The following RGS7 variants were observed in gnomAD, a reference collection of about 807,000 sequenced individuals.
RGS7 encodes the protein regulator of G-protein signaling 7.
In RGS7, 27 loss-of-function variants were observed where a neutral mutation model predicts 81.1. The observed-to-expected ratio is 0.33, with a 90% confidence interval of 0.25 to 0.46. RGS7 has a LOEUF of 0.46. Ranked by LOEUF, RGS7 falls within the 20% of genes least tolerant of loss-of-function variation. RGS7 has a pLI of 1.00. For missense variants in RGS7, 396 were observed against 607.4 expected (o/e 0.65, Z 3.66); for synonymous variants, 208 against 207.7 (o/e 1.00, Z -0.01).
chr1:241,175,137 C>G (rs191087943), intron 2 of RGS7, among the ~76,000 whole-genome samples: 6 of 151,996 alleles, frequency 3.9e-5, no homozygotes, highest in Non-Finnish European at 4.4e-5. Flanking sequence ...TGCCTGACCT[C>G]GTGATCCACT....
chr1:240,965,213 G>C (rs534697090), intron 4 of RGS7, among the ~76,000 whole-genome samples: 1 of 152,238 alleles, frequency 6.6e-6, no homozygotes, highest in African/African-American at 2.4e-5. Context: ...GGCCTCTACT[G>C]TCCTCATTAA....
intron 2 of RGS7, among the ~76,000 whole-genome samples, chr1:241,325,266 G>A (rs1319074147): frequency 1.3e-5 from 2 of 152,114 alleles, no homozygotes; most frequent in African/African-American, 2.4e-5. Flanking sequence ...GATATAAGGG[G>A]GAGGCACTGA....
intron 2 of RGS7, among the ~76,000 whole-genome samples, chr1:241,108,935 A>G (rs1463386474): frequency 6.6e-6 from 1 of 152,048 alleles, no homozygotes; most frequent in Non-Finnish European, 1.5e-5. Flanking sequence ...TTTGCTATCA[A>G]CTTAGTTCAC....
intron 2 of RGS7, among the ~76,000 whole-genome samples, chr1:241,099,522 TCTCATTA>T (rs2064559317): frequency 2.0e-5 from 3 of 152,218 alleles, no homozygotes; most frequent in African/African-American, 7.2e-5. Context: ...TTTGTTTCAA[TCTCATTA>T]GTACACTCTC....
intron 3 of RGS7, among the ~76,000 whole-genome samples, chr1:240,991,613 G>T (rs572713518): frequency 1.3e-5 from 2 of 152,170 alleles, no homozygotes; most frequent in African/African-American, 2.4e-5. Flanking sequence ...GACTAAGTCC[G>T]CAGTGTTTCC....
intron 2 of RGS7, among the ~76,000 whole-genome samples, chr1:241,312,867 C>T (rs997021995): frequency 2.6e-5 from 4 of 152,004 alleles, no homozygotes; most frequent in Non-Finnish European, 4.4e-5. Flanking sequence ...AAGTTGCAAA[C>T]GCAAAGGAAA....
chr1:241,315,405 AG>A (rs1362169604), intron 2 of RGS7, among the ~76,000 whole-genome samples: 1 of 152,116 alleles, frequency 6.6e-6, no homozygotes, highest in African/African-American at 2.4e-5. Flanking sequence ...ATTTCAGAAT[AG>A]GGGGAAAATA....
chr1:241,235,872 A>T (rs919766776), intron 2 of RGS7, among the ~76,000 whole-genome samples: 1 of 133,000 alleles, frequency 7.5e-6, no homozygotes, highest in Non-Finnish European at 1.7e-5. Context: ...TAATATAGGG[A>T]GTGAGATACA....
chr1:241,335,990 G>A (rs1311600362), intron 2 of RGS7, among the ~76,000 whole-genome samples: 1 of 152,048 alleles, frequency 6.6e-6, no homozygotes, highest in Non-Finnish European at 1.5e-5. Context: ...TTAGAGTAGT[G>A]TGATTATGAT....
chr1:241,044,989 T>G (rs2060840074), intron 3 of RGS7, among the ~76,000 whole-genome samples: 1 of 152,232 alleles, frequency 6.6e-6, no homozygotes, highest in Non-Finnish European at 1.5e-5. Context: ...AGCTCTGTAG[T>G]GCTGATTCTG....
intron 10 of RGS7, among the ~76,000 whole-genome samples, chr1:240,825,716 T>C (rs547681276): frequency 1.3e-5 from 2 of 152,302 alleles, no homozygotes; most frequent in East Asian, 1.9e-4. Context: ...GCTGATGGTA[T>C]GTAAAGAACG....
chr1:241,315,578 C>T (rs1211723030), intron 2 of RGS7, among the ~76,000 whole-genome samples: 1 of 152,136 alleles, frequency 6.6e-6, no homozygotes, highest in Non-Finnish European at 1.5e-5. Flanking sequence ...TTTCCTGCTC[C>T]AAGTTCTAAC....
intron 4 of RGS7, among the ~76,000 whole-genome samples, chr1:240,976,793 C>CATCT (rs34903099): frequency 6.6e-6 from 1 of 150,742 alleles, no homozygotes; most frequent in Admixed American, 6.6e-5. Flanking sequence ...ATCTATTATC[C>CATCT]ATCTATCTAT....
At chr1:240,804,525 G>A (rs1688528886) in intron 15 of RGS7, among the ~76,000 whole-genome samples, 1 of 149,972 alleles carries the variant, frequency 6.7e-6, no homozygotes, top group South Asian at 2.1e-4. Flanking sequence ...AAGTGGTATT[G>A]TTTTCTATAG....
rs563740290 is a variant in RGS7, at chr1:241,100,297, C to T, written c.79-1535G>A. Among the ~76,000 whole-genome samples the T allele has an allele frequency of 3.5e-3, 530 of 150,942 alleles. 4 individuals are homozygous for T. Among genetic ancestry groups the T allele is most frequent in the Non-Finnish European group, 5.9e-3 (398 of 67,884 alleles). On this transcript the variant is annotated intron_variant, in intron 2 of 18. Coordinates refer to ENST00000440928, the MANE Select transcript of RGS7 (RefSeq NM_001364886.1). ...GGCTGAGGCAGGAGAATGGAGTGAA[C>T]CCAGGAGGCAGAGCTTGCAGTGAGC... is the stretch of plus-strand genomic sequence containing the variant.
chr1:240,808,054 A>AAG, intron 14 of RGS7, among the ~76,000 whole-genome samples: 1 of 151,468 alleles, frequency 6.6e-6, no homozygotes, highest in South Asian at 2.1e-4. Context: ...AAAAAAAAAA[A>AAG]GGGAATACTA....
chr1:241,279,882 G>T (rs2078408627), intron 2 of RGS7, among the ~76,000 whole-genome samples: 2 of 152,010 alleles, frequency 1.3e-5, no homozygotes, highest in Non-Finnish European at 2.9e-5. Context: ...GCTGCTGTGT[G>T]TATCAACAGT....
chr1:241,229,487 GT>G, intron 2 of RGS7, among the ~76,000 whole-genome samples: 1 of 152,182 alleles, frequency 6.6e-6, no homozygotes, highest in Middle Eastern at 3.4e-3. Context: ...CCACACTCCA[GT>G]CATCCGGTGC....
chr1:240,909,835 C>T (rs986291791), intron 6 of RGS7, among the ~76,000 whole-genome samples: 4 of 152,174 alleles, frequency 2.6e-5, no homozygotes, highest in Non-Finnish European at 5.9e-5. Context: ...TGTTCTAGTA[C>T]TTGAAGTCGG....
Sources: gnomAD v4.1 joint callset for allele counts (sites outside exome capture counted in the v4.1 genomes callset) on GRCh38, gnomAD v4.1.1 for gene constraint, MANE v1.5 for transcripts, NCBI Gene and HGNC (gene_info 2026-07-23, HGNC 2026-07-21) for gene names.